The following LUZP2 variants were observed in gnomAD, a reference collection of about 807,000 sequenced individuals.
LUZP2 encodes the protein leucine zipper protein 2.
LUZP2 carries 52 observed loss-of-function variants against 51.6 expected under a neutral mutation model. The ratio of observed to expected loss-of-function variants is 1.01; its 90% CI spans 0.81 to 1.27. The LOEUF (loss-of-function observed/expected upper bound fraction) is 1.27. Ranked by LOEUF, LUZP2 falls within the 50% of genes most tolerant of loss-of-function variation. The pLI, the probability that LUZP2 is intolerant of heterozygous loss-of-function variation, is 0.00. For synonymous variants in LUZP2, 154 were observed against 137.3 expected, an observed-to-expected ratio of 1.12 and a Z score of -0.85; for missense variants, 436 against 395.4, an observed-to-expected ratio of 1.10 and a Z score of -0.87.
rs1239865643 is a variant in LUZP2, at chr11:25,066,317, AT to A, written c.859-11010del. Among the ~76,000 whole-genome samples the A allele has an allele frequency of 2.0e-5, 3 of 151,944 alleles. No individual in the cohort carries two copies. In the Admixed American group the frequency reaches 2.0e-4, roughly 10 times the overall value. Reference sequence around the variant, plus strand: ...GCATGAGAGTTGGTAGTATAAAATGATTGCATAGAGCTTTTCAACACAAGAT... The same window carrying A: ...GCATGAGAGTTGGTAGTATAAAATGATGCATAGAGCTTTTCAACACAAGAT... On this transcript the variant is annotated intron_variant, in intron 10 of 11. Transcript: ENST00000336930.
At chr11:25,029,029 A>G (rs960841510) in intron 9 of LUZP2, among the ~76,000 whole-genome samples, 2 of 152,194 alleles carry the variant, frequency 1.3e-5, no homozygotes, top group African/African-American at 2.4e-5. Context: ...TCTAAAAATC[A>G]AACAATTGAA....
At chr11:24,715,969 C>T (rs2133941088) in intron 1 of LUZP2, among the ~76,000 whole-genome samples, 1 of 152,114 alleles carries the variant, frequency 6.6e-6, no homozygotes, top group Non-Finnish European at 1.5e-5. Flanking sequence ...GGAAAAATTA[C>T]TTAAATTATG....
rs539435382 is a variant in LUZP2 at position 24,727,959 on chromosome 11, T to C, written c.63-1210T>C. Among the ~76,000 whole-genome samples, 3 of 152,198 alleles carry C rather than the reference T, an allele frequency of 2.0e-5. No individual in the cohort carries two copies. The South Asian group carries it at 6.2e-4, about 32-fold the overall frequency. On this transcript the variant is annotated intron_variant, in intron 1 of 11. Transcript: ENST00000336930. Reference sequence around the variant, plus strand: ...CCTTTATATTTCTGCAGAATGACTATAAATTCATCATATTTCTTAGTAATA... The same window carrying C: ...CCTTTATATTTCTGCAGAATGACTACAAATTCATCATATTTCTTAGTAATA...
At chr11:24,985,035 C>CCTT (rs1255513138) in intron 9 of LUZP2, among the ~76,000 whole-genome samples, 1 of 151,146 alleles carries the variant, frequency 6.6e-6, no homozygotes, top group East Asian at 1.9e-4. Context: ...TGTGGTATAC[C>CCTT]CTTCTTCTTC....
At chr11:24,700,517 C>T (rs72882453) in intron 1 of LUZP2, among the ~76,000 whole-genome samples, 26,653 of 151,904 alleles carry the variant, frequency 0.18, 2,450 homozygotes, top group East Asian at 0.32. Context: ...ATGTATTTTA[C>T]GGAGTTATTT....
At chr11:24,835,309 C>T (rs962026905) in intron 5 of LUZP2, among the ~76,000 whole-genome samples, 13 of 152,070 alleles carry the variant, frequency 8.5e-5, no homozygotes, top group African/African-American at 2.9e-4. Flanking sequence ...AAAACTAACT[C>T]AAGATAGATT....
At chr11:24,575,938 A>T (rs1434956134) in intron 1 of LUZP2, among the ~76,000 whole-genome samples, 3 of 151,996 alleles carry the variant, frequency 2.0e-5, no homozygotes, top group African/African-American at 7.3e-5. Flanking sequence ...TTTAAAGTTC[A>T]TTTGGACAGA....
At chr11:24,699,275 A>G (rs1007976945) in intron 1 of LUZP2, among the ~76,000 whole-genome samples, 13 of 152,108 alleles carry the variant, frequency 8.5e-5, no homozygotes, top group African/African-American at 2.7e-4. Flanking sequence ...CTTCAATTTT[A>G]CTAGAATCCA....
intron 9 of LUZP2, among the ~76,000 whole-genome samples, chr11:25,007,482 A>T (rs1276495650): frequency 1.3e-5 from 2 of 152,154 alleles, no homozygotes; most frequent in Admixed American, 1.3e-4. Context: ...ATGTGCCTGT[A>T]ATCCCAGCTA....
intron 5 of LUZP2, among the ~76,000 whole-genome samples, chr11:24,770,151 T>C (rs530695888): frequency 6.6e-6 from 1 of 152,336 alleles, no homozygotes; most frequent in South Asian, 2.1e-4. Flanking sequence ...CTTTCTGTAC[T>C]ATCATTTGTA....
chr11:24,913,549 A>G (rs530317778), intron 6 of LUZP2, among the ~76,000 whole-genome samples: 137 of 152,190 alleles, frequency 9.0e-4, no homozygotes, highest in African/African-American at 3.2e-3. Context: ...TGCAATGTAC[A>G]TATGTTTAAT....
intron 5 of LUZP2, among the ~76,000 whole-genome samples, chr11:24,893,595 C>T (rs893298157): frequency 6.6e-6 from 1 of 152,054 alleles, no homozygotes; most frequent in East Asian, 1.9e-4. Context: ...CTTATCTTGT[C>T]TCCTAGTTTT....
chr11:25,019,751 C>G (rs1857275286), intron 9 of LUZP2, among the ~76,000 whole-genome samples: 1 of 152,056 alleles, frequency 6.6e-6, no homozygotes, highest in African/African-American at 2.4e-5. Context: ...ATCATGCACA[C>G]TATTTAAACT....
intron 1 of LUZP2, among the ~76,000 whole-genome samples, chr11:24,577,550 A>C (rs1852693666): frequency 6.6e-6 from 1 of 152,138 alleles, no homozygotes; most frequent in Admixed American, 6.6e-5. Flanking sequence ...CTTTGAATTA[A>C]ATTATCAAGT....
chr11:24,679,618 A>G (rs574743654), intron 1 of LUZP2, among the ~76,000 whole-genome samples: 21 of 152,272 alleles, frequency 1.4e-4, no homozygotes, highest in Non-Finnish European at 3.1e-4. Flanking sequence ...TAAGATTAAT[A>G]TTTAACTTTT....
At chr11:24,830,877 C>T (rs1041263293) in intron 5 of LUZP2, among the ~76,000 whole-genome samples, 4 of 151,916 alleles carry the variant, frequency 2.6e-5, no homozygotes, top group African/African-American at 9.7e-5. Context: ...GCCTATAGTC[C>T]CAGCTACTTG....
chr11:25,077,436 A>G (rs1272058807), intron 11 of LUZP2, 30 bp downstream of exon 11: 1 of 1,321,440 alleles, frequency 7.6e-7, no homozygotes, highest in Non-Finnish European at 1.1e-6. Flanking sequence ...CGTTTGTGTC[A>G]AAAAGCATTT....
chr11:24,793,050 T>C (rs1295879078), intron 5 of LUZP2, among the ~76,000 whole-genome samples: 1 of 152,214 alleles, frequency 6.6e-6, no homozygotes, highest in Non-Finnish European at 1.5e-5. Flanking sequence ...TAATTTTAGC[T>C]GAGCAAATTA....
chr11:24,817,026 A>G (rs1007398102), intron 5 of LUZP2, among the ~76,000 whole-genome samples: 1 of 152,030 alleles, frequency 6.6e-6, no homozygotes, highest in Non-Finnish European at 1.5e-5. Context: ...AAAATAAATC[A>G]TTTGAGAACA....
Sources: gnomAD v4.1 joint callset for allele counts (sites outside exome capture counted in the v4.1 genomes callset) on GRCh38, gnomAD v4.1.1 for gene constraint, MANE v1.5 for transcripts, NCBI Gene and HGNC (gene_info 2026-07-23, HGNC 2026-07-21) for gene names.